SBNO2: variants seen among roughly 807,000 people sequenced by gnomAD.
The protein encoded by SBNO2 is strawberry notch homolog 2.
In SBNO2, 89 loss-of-function variants were observed where a neutral mutation model predicts 146.3. That is an observed-to-expected ratio of 0.61 (90% CI 0.51 to 0.73). The LOEUF (loss-of-function observed/expected upper bound fraction) is 0.73, where lower values mean the gene tolerates loss of function less well. Ranked by LOEUF, SBNO2 falls within the 30% of genes least tolerant of loss-of-function variation. The probability of loss-of-function intolerance (pLI) is 0.00; values close to 1 mark genes in which losing one functional copy is unlikely to be tolerated. For missense variants in SBNO2, 2,092 were observed against 2,003.7 expected (o/e 1.04, Z -0.84); for synonymous variants, 1,147 against 892.6 (o/e 1.29, Z -5.08).
In SBNO2 at chr19:1,144,607, G is replaced by GAGGCAGAGAGGGAAACAGACGA. The variant is rs1395129433; in HGVS notation, c.279+2680_279+2701dup. ...GCAGAGACATAGAGACATAGAGACA[G>GAGGCAGAGAGGGAAACAGACGA]AGGCAGAGAGGGAAACAGACGAAGA... On this transcript the variant is annotated intron_variant, in intron 4 of 31. Transcript: ENST00000361757. This position sits in a 1 kb window ranked among gnomAD's most constrained non-coding sequence, Gnocchi z 4.1. Among the ~76,000 whole-genome samples the GAGGCAGAGAGGGAAACAGACGA allele has an allele frequency of 2.0e-5, 3 of 151,926 alleles. No individual in the cohort carries two copies. Among genetic ancestry groups the GAGGCAGAGAGGGAAACAGACGA allele is most frequent in the Non-Finnish European group, 4.4e-5 (3 of 67,942 alleles).
intron 11 of SBNO2, 37 bp from the exon 12 acceptor site, chr19:1,120,060 CG>C: frequency 4.0e-6 from 6 of 1,515,842 alleles, no homozygotes; most frequent in Non-Finnish European, 8.9e-7. Flanking sequence ...TTCTGAAGGA[CG>C]GGGGCGACCC....
chr19:1,119,475 A>ACCC, intron 13 of SBNO2, 41 bp downstream of exon 13: 2 of 977,836 alleles, frequency 2.0e-6, no homozygotes, highest in South Asian at 1.4e-5. Flanking sequence ...CCTCCTCCCC[A>ACCC]CCCCCCGCCG....
At chr19:1,134,962 C>A (rs141257716) in intron 4 of SBNO2, among the ~76,000 whole-genome samples, 2,063 of 145,872 alleles carry the variant, frequency 0.014, 27 homozygotes, top group Non-Finnish European at 0.021. Flanking sequence ...AGGAGAATTG[C>A]TTGAACCCGG....
chr19:1,113,359 G>A (rs1042813802), intron 19 of SBNO2, among the ~76,000 whole-genome samples, 176 bp downstream of exon 19: 3 of 152,160 alleles, frequency 2.0e-5, no homozygotes, highest in Non-Finnish European at 2.9e-5. Context: ...GTGGCCTCCC[G>A]GGCCGAGCTG....
At chr19:1,156,753 G>A (rs1172333442) in intron 1 of SBNO2, among the ~76,000 whole-genome samples, 1 of 152,128 alleles carries the variant, frequency 6.6e-6, no homozygotes, top group Non-Finnish European at 1.5e-5. Context: ...AGGCACAGAT[G>A]TGTGTGATCC....
At chr19:1,127,340 C>T (rs925664483) in intron 5 of SBNO2, among the ~76,000 whole-genome samples, 1 of 152,218 alleles carries the variant, frequency 6.6e-6, no homozygotes, top group Non-Finnish European at 1.5e-5. Flanking sequence ...GGGCAGCATC[C>T]TGGCCCCCCC....
At chr19:1,171,131 GCACA>G (rs1568657004) in intron 1 of SBNO2, among the ~76,000 whole-genome samples, 2 of 150,652 alleles carry the variant, frequency 1.3e-5, no homozygotes, top group African/African-American at 2.5e-5. Context: ...GCACAGACAC[GCACA>G]CAATGTGCAC....
At chr19:1,149,548 G>T in intron 2 of SBNO2, 106 bp from the exon 3 acceptor site, 1 of 1,036,012 alleles carries the variant, frequency 9.7e-7, no homozygotes. Flanking sequence ...GGGAGGCCCC[G>T]CAGTCAGGGT....
chr19:1,173,529 G>A lies in SBNO2; in HGVS notation c.-127+643C>T, dbSNP rs868197283. Among the ~76,000 whole-genome samples the A allele has an allele frequency of 1.3e-5, 2 of 152,242 alleles. No individual in the cohort carries two copies. On this transcript the variant is annotated intron_variant, in intron 1 of 31. Transcript: ENST00000361757. The surrounding 1 kb of genome is among the most constrained non-coding windows in gnomAD (Gnocchi z 4.7). ...GGCGGGGAGCAAGGGGAGGGAGGGA[G>A]ACAGGGCTGCGCTGCGGGGCCGAGA...
chr19:1,111,154 T>C, intron 24 of SBNO2, 61 bp from the exon 25 acceptor site: 1 of 1,492,768 alleles, frequency 6.7e-7, no homozygotes, highest in South Asian at 1.2e-5. Flanking sequence ...TCGAAGCCCC[T>C]AGCTCCTTTT....
intron 1 of SBNO2, among the ~76,000 whole-genome samples, chr19:1,169,468 G>A (rs917547449): frequency 6.6e-6 from 1 of 152,236 alleles, no homozygotes; most frequent in East Asian, 1.9e-4. Context: ...TGTGGCCCAA[G>A]GCCTGTCCCC....
chr19:1,154,572 C>G (rs1040195144), intron 1 of SBNO2, among the ~76,000 whole-genome samples, 170 bp from the exon 2 acceptor site: 19 of 152,188 alleles, frequency 1.2e-4, no homozygotes, highest in Non-Finnish European at 2.4e-4. Context: ...CCCCACCCGC[C>G]ATCAGCAGTG....
Position 1,150,968 on chromosome 19 carries a change from C to G in SBNO2, c.94-1526G>C, listed in dbSNP as rs1354589798. 1.3e-5 allele frequency among the ~76,000 whole-genome samples: 2 copies of G among 152,232 alleles called. No homozygotes were observed. Among genetic ancestry groups the G allele is most frequent in the African/African-American group, 4.8e-5 (2 of 41,464 alleles). ...CCACAGCTCCTCCCCTGCACAGAGG[C>G]CGGCAGCCTGGGCACCCTGAGCTCC... On this transcript the variant is annotated intron_variant, in intron 2 of 31. Transcript: ENST00000361757. This position sits in a 1 kb window ranked among gnomAD's most constrained non-coding sequence, Gnocchi z 6.2.
chr19:1,171,695 T>C lies in SBNO2; in HGVS notation c.-127+2477A>G, dbSNP rs529849269. ...CATCCGTGACTCCGCTGGAGCCGGG[T>C]TGGGCCAAGCCCAAGCTGGTCACAC... On this transcript the variant is annotated intron_variant, in intron 1 of 31. Coordinates refer to ENST00000361757, the MANE Select transcript of SBNO2 (RefSeq NM_014963.3). 2.0e-5 allele frequency among the ~76,000 whole-genome samples: 3 copies of C among 151,936 alleles called. No homozygotes were observed. The East Asian group carries it at 5.8e-4, about 29-fold the overall frequency.
At chr19:1,156,700 G>T (rs986583295) in intron 1 of SBNO2, among the ~76,000 whole-genome samples, 8 of 152,174 alleles carry the variant, frequency 5.3e-5, no homozygotes, top group African/African-American at 1.9e-4. Context: ...CTAGGCCACA[G>T]CGCAGACGCA....
chr19:1,113,769 A>C, intron 18 of SBNO2, 65 bp from the exon 19 acceptor site: 2 of 1,400,172 alleles, frequency 1.4e-6, no homozygotes, highest in Admixed American at 3.5e-5. Context: ...ACCTAACTCA[A>C]GGCTGGCCCC....
In SBNO2 at chr19:1,147,460, T is replaced by C. The variant is rs371121729; in HGVS notation, c.168-40A>G. Reference sequence around the variant, plus strand: ...GGGGGGGGGAGGTGAGATGGGGTGCTCAACCCACTCCCTCAGTAACACACC... The same window carrying C: ...GGGGGGGGGAGGTGAGATGGGGTGCCCAACCCACTCCCTCAGTAACACACC... On this transcript the variant is annotated intron_variant, in intron 3 of 31. Coordinates refer to ENST00000361757, the MANE Select transcript of SBNO2 (RefSeq NM_014963.3). 3.7e-6 allele frequency: 4 copies of C among 1,094,716 alleles called. No individual in the cohort carries two copies. In the African/African-American group the frequency reaches 7.2e-5, roughly 20 times the overall value. 67.8% of individuals were successfully genotyped at this position (1,094,716 alleles called of 1,614,324 possible).
intron 1 of SBNO2, among the ~76,000 whole-genome samples, chr19:1,172,228 G>A (rs1319830891): frequency 5.9e-5 from 9 of 152,282 alleles, no homozygotes; most frequent in East Asian, 1.9e-4. Flanking sequence ...GCCTGCCTGC[G>A]TCTCCTCTGC....
At position 1,127,758 on chromosome 19, in the gene SBNO2, G is replaced by A. The variant is rs1319227183; in HGVS notation, c.287C>T (p.Ser96Phe). The A allele has an allele frequency of 6.2e-7, 1 of 1,613,258 alleles. No homozygotes were observed. Among genetic ancestry groups the A allele is most frequent in the Non-Finnish European group, 8.5e-7 (1 of 1,179,592 alleles). Residue 96 changes from serine (S) to phenylalanine (F), a missense_variant, in exon 5 of 32, where the codon TCC becomes TTC. By Grantham distance (155) the Ser-to-Phe change is radical. Transcript: ENST00000361757. ...PKTCDFAQDS[S>F]YFEDFSNISI... Reference sequence around the variant, plus strand: ...GATGTTGGAGAAGTCCTCAAAATAGGAGGAGTCCTGGAAGACAAGGCCAGG... The same window carrying A: ...GATGTTGGAGAAGTCCTCAAAATAGAAGGAGTCCTGGAAGACAAGGCCAGG...
Sources: allele counts gnomAD v4.1 joint callset (sites outside exome capture counted in the v4.1 genomes callset), GRCh38; gene constraint gnomAD v4.1.1; non-coding constraint Gnocchi (gnomAD v3.1); transcripts MANE v1.5; gene names NCBI Gene and HGNC (gene_info 2026-07-23, HGNC 2026-07-21).